Variants in IL1RAPL1 observed in about 807,000 individuals in gnomAD.
The protein encoded by IL1RAPL1 is interleukin 1 receptor accessory protein like 1, also known as interleukin-1 receptor accessory protein-like 1.
Under a neutral mutation model 48.4 loss-of-function variants are expected in IL1RAPL1, and 3 were observed. The observed-to-expected ratio is 0.06, with a 90% CI of 0.03 to 0.16. The LOEUF is 0.16. Ranked by LOEUF, IL1RAPL1 falls within the 10% of genes least tolerant of loss-of-function variation. IL1RAPL1 has a pLI of 1.00. For missense variants in IL1RAPL1, 349 were observed against 530.6 expected (o/e 0.66, Z 3.36); for synonymous variants, 185 against 187.7 (o/e 0.99, Z 0.12).
At chrX:29,114,273 C>T (rs1052305667) in intron 2 of IL1RAPL1, among the ~76,000 whole-genome samples, 4 of 111,998 alleles carry the variant, frequency 3.6e-5, no homozygotes, top group Non-Finnish European at 7.5e-5. Flanking sequence ...GACATTTTAA[C>T]GCTAATTTTG....
At chrX:29,353,010 G>T (rs145615068) in intron 3 of IL1RAPL1, among the ~76,000 whole-genome samples, 1 of 111,483 alleles carries the variant, frequency 9.0e-6, no homozygotes. Context: ...TTTAAACTCT[G>T]CTTTAGCTTT....
At chrX:29,682,929 G>A (rs1463003451) in intron 6 of IL1RAPL1, among the ~76,000 whole-genome samples, 1 of 111,939 alleles carries the variant, frequency 8.9e-6, no homozygotes, top group South Asian at 3.7e-4. Context: ...GTCAAATCCC[G>A]ATTAGACAGA....
intron 2 of IL1RAPL1, among the ~76,000 whole-genome samples, chrX:29,264,726 G>C (rs935170029): frequency 2.7e-5 from 3 of 109,780 alleles, no homozygotes; most frequent in African/African-American, 9.9e-5. Context: ...TCAGAAACTG[G>C]GTTCTCAATT....
chrX:28,843,546 T>G (rs1343654588), intron 2 of IL1RAPL1, among the ~76,000 whole-genome samples: 2 of 111,948 alleles, frequency 1.8e-5, no homozygotes, highest in Admixed American at 9.6e-5. Flanking sequence ...TTATTTCAAT[T>G]GTTAATTCCC....
At chrX:29,679,904 G>A (rs746153507) in intron 6 of IL1RAPL1, among the ~76,000 whole-genome samples, 1 of 112,154 alleles carries the variant, frequency 8.9e-6, no homozygotes, top group Non-Finnish European at 1.9e-5. Context: ...CAACAGGGCA[G>A]AAAGTACTGG....
chrX:29,499,822 TATATA>T (rs1220554733), intron 5 of IL1RAPL1, among the ~76,000 whole-genome samples: 2 of 111,898 alleles, frequency 1.8e-5, no homozygotes, highest in African/African-American at 3.2e-5. Context: ...TTTTTATTGA[TATATA>T]ATATCTGTAC....
intron 2 of IL1RAPL1, among the ~76,000 whole-genome samples, chrX:28,851,508 C>A (rs1251325437): frequency 9.0e-6 from 1 of 111,063 alleles, no homozygotes; most frequent in African/African-American, 3.3e-5. Flanking sequence ...CTCCATACAT[C>A]CACAATTAAT....
chrX:29,444,616 C>T (rs1404323884), intron 5 of IL1RAPL1, among the ~76,000 whole-genome samples: 3 of 111,438 alleles, frequency 2.7e-5, no homozygotes, highest in African/African-American at 9.8e-5. Context: ...TGTGGACAAG[C>T]ATTTCCCCAG....
intron 2 of IL1RAPL1, among the ~76,000 whole-genome samples, chrX:28,802,901 T>TGAATTATTGCTCA (rs1045608649): frequency 1.8e-5 from 2 of 111,666 alleles, no homozygotes; most frequent in African/African-American, 6.5e-5. Flanking sequence ...AAACTTCTGA[T>TGAATTATTGCTCA]GAATTATTGC....
intron 6 of IL1RAPL1, among the ~76,000 whole-genome samples, chrX:29,898,475 G>C: frequency 8.9e-6 from 1 of 112,172 alleles, no homozygotes; most frequent in East Asian, 2.8e-4. Context: ...TTAACGATAT[G>C]AAACATCATC....
At chrX:29,116,137 T>A (rs1327077273) in intron 2 of IL1RAPL1, among the ~76,000 whole-genome samples, 1 of 111,610 alleles carries the variant, frequency 9.0e-6, no homozygotes, top group Admixed American at 9.7e-5. Context: ...TAATTAATTT[T>A]ATTTAAATGT....
chrX:28,933,313 G>T (rs776901501), intron 2 of IL1RAPL1, among the ~76,000 whole-genome samples: 1 of 111,224 alleles, frequency 9.0e-6, no homozygotes, highest in Non-Finnish European at 1.9e-5. Flanking sequence ...CCCCATTGCA[G>T]CTCAGTGGCC....
chrX:29,923,260 C>G (rs1355223110), intron 8 of IL1RAPL1, among the ~76,000 whole-genome samples: 1 of 112,400 alleles, frequency 8.9e-6, no homozygotes, highest in Admixed American at 9.5e-5. Context: ...TGCAGAAAAT[C>G]TACCAAGAAA....
chrX:29,582,043 C>G (rs761524546), intron 5 of IL1RAPL1, among the ~76,000 whole-genome samples: 43 of 111,911 alleles, frequency 3.8e-4, no homozygotes, highest in Non-Finnish European at 7.3e-4. Context: ...AACAACACTA[C>G]AAGAACCCAT....
intron 2 of IL1RAPL1, among the ~76,000 whole-genome samples, chrX:29,191,374 G>C (rs201007744): frequency 1.8e-5 from 2 of 110,945 alleles, no homozygotes; most frequent in East Asian, 5.6e-4. Flanking sequence ...TATAACCCTC[G>C]GAGTCACTTT....
chrX:29,717,095 T>G (rs1333302065), intron 6 of IL1RAPL1, among the ~76,000 whole-genome samples: 1 of 110,273 alleles, frequency 9.1e-6, no homozygotes, highest in African/African-American at 3.3e-5. Context: ...ATAGAGTTAA[T>G]TATACACTCT....
At chrX:28,848,534 T>G (rs907329777) in intron 2 of IL1RAPL1, among the ~76,000 whole-genome samples, 13 of 110,696 alleles carry the variant, frequency 1.2e-4, no homozygotes, top group African/African-American at 4.3e-4. Flanking sequence ...TTTAACAGAT[T>G]TATCATTTTA....
At chrX:29,414,662 G>A (rs1426641062) in intron 5 of IL1RAPL1, among the ~76,000 whole-genome samples, 1 of 111,471 alleles carries the variant, frequency 9.0e-6, no homozygotes, top group African/African-American at 3.3e-5. Flanking sequence ...TCCAGGCTAT[G>A]GTAATGAGAC....
At chrX:29,505,074 C>T (rs1166680954) in intron 5 of IL1RAPL1, among the ~76,000 whole-genome samples, 2 of 111,677 alleles carry the variant, frequency 1.8e-5, no homozygotes, top group African/African-American at 6.5e-5. Context: ...GAGACGACAA[C>T]TTATCTTAGA....
Sources: gnomAD v4.1 joint callset for allele counts (sites outside exome capture counted in the v4.1 genomes callset) on GRCh38, gnomAD v4.1.1 for gene constraint, MANE v1.5 for transcripts, NCBI Gene and HGNC (gene_info 2026-07-23, HGNC 2026-07-21) for gene names.